The following ZFC3H1 variants were observed in gnomAD, a reference collection of about 807,000 sequenced individuals.
ZFC3H1 encodes zinc finger C3H1 domain-containing protein.
Under a neutral mutation model 243.7 loss-of-function variants are expected in ZFC3H1, and 71 were observed. The ratio of observed to expected loss-of-function variants is 0.29; its 90% CI spans 0.24 to 0.36. The LOEUF (loss-of-function observed/expected upper bound fraction) is 0.36. ZFC3H1 is among the 10% of genes least tolerant of loss of function. The pLI, the probability that ZFC3H1 is intolerant of heterozygous loss-of-function variation, is 1.00. For synonymous variants in ZFC3H1, 838 were observed against 813.0 expected (o/e 1.03, Z -0.52); for missense variants, 1,966 against 2,317.1 (o/e 0.85, Z 3.11).
chr12:71,619,517 T>C, intron 26 of ZFC3H1, 108 bp from the exon 27 acceptor site: 1 of 1,031,530 alleles, frequency 9.7e-7, no homozygotes, highest in Non-Finnish European at 1.4e-6. Flanking sequence ...ATTAAGTTTC[T>C]TGAGTGGGTA....
intron 24 of ZFC3H1, among the ~76,000 whole-genome samples, chr12:71,620,605 T>C (rs1880001991): frequency 6.6e-6 from 1 of 152,148 alleles, no homozygotes; most frequent in Non-Finnish European, 1.5e-5. Context: ...CAAGTATCTC[T>C]GCAATTATCC....
chr12:71,644,899 C>T lies in ZFC3H1; in HGVS notation c.1257G>A (p.Ser419=), dbSNP rs377241131. The T allele has an allele frequency of 1.0e-4, 169 of 1,610,516 alleles. No individual in the cohort carries two copies. The highest frequency in any genetic ancestry group is 1.2e-4 in the Non-Finnish European group (144 of 1,179,630). ...QKVKTSTKTH[S]AKKVSTTAKQ... ...CACCTGTAGTGCTAACTTTTTTGGC[C>T]GAATGTGTTTTTGTACTTGTTTTAA... Residue 419 remains serine, a synonymous_variant, in exon 4 of 35, where the codon TCG becomes TCA. Transcript: ENST00000378743.
At chr12:71,615,451 C>T in intron 27 of ZFC3H1, 135 bp from the exon 28 acceptor site, 1 of 637,294 alleles carries the variant, frequency 1.6e-6, no homozygotes, top group Non-Finnish European at 2.7e-6. Context: ...ACTTTCTTTT[C>T]ATAGGTATAC....
chr12:71,663,478 T>A lies in ZFC3H1; in HGVS notation c.133A>T (p.Ser45Cys). Residue 45 changes from serine (S) to cysteine (C), a missense_variant, in exon 1 of 35, where the codon AGC (serine) becomes TGC (cysteine). Coordinates refer to ENST00000378743, the MANE Select transcript of ZFC3H1 (RefSeq NM_144982.5). ...GGATAGGGTAACAGCCCGCCGCCGCTGCTGCTGCTGCTGCTCCGACTCCGT... is the reference window on the plus strand; with the variant it reads ...GGATAGGGTAACAGCCCGCCGCCGCAGCTGCTGCTGCTGCTCCGACTCCGT... ...QIRSRSSSSS[S>C]GGGLLPYPRR... The A allele has an allele frequency of 6.2e-7, 1 of 1,609,254 alleles. No homozygotes were observed. The highest frequency in any genetic ancestry group is 8.5e-7 in the Non-Finnish European group (1 of 1,178,686).
intron 24 of ZFC3H1, among the ~76,000 whole-genome samples, chr12:71,621,008 C>T (rs1465734329): frequency 6.6e-6 from 1 of 152,192 alleles, no homozygotes; most frequent in Admixed American, 6.5e-5. Context: ...TTTTATTTAA[C>T]ATTTGACAGT....
intron 7 of ZFC3H1, among the ~76,000 whole-genome samples, chr12:71,637,496 T>TA (rs1469078970): frequency 6.6e-6 from 1 of 152,126 alleles, no homozygotes; most frequent in Non-Finnish European, 1.5e-5. Context: ...TAGTCCAGAG[T>TA]ACTTTAATCA....
chr12:71,652,120 G>A (rs186758351), intron 2 of ZFC3H1, among the ~76,000 whole-genome samples: 148 of 152,286 alleles, frequency 9.7e-4, no homozygotes, highest in Non-Finnish European at 1.8e-3. Context: ...TGGAAAAAAG[G>A]CTCACCAATA....
At chr12:71,615,159 C>A (rs1313803272) in intron 28 of ZFC3H1, 47 bp downstream of exon 28, 2 of 1,426,640 alleles carry the variant, frequency 1.4e-6, no homozygotes, top group Non-Finnish European at 9.8e-7. Context: ...TAATAAATAG[C>A]AAATGCAGGC....
rs1879991940 is a variant in ZFC3H1 at position 71,620,226 on chromosome 12, G to T, written c.4834C>A (p.His1612Asn). The part of the protein sequence containing the change: ...LPLYTNMIAL[H>N]QLLERYEAAM... The stretch of plus-strand genomic sequence containing the variant: ...AAGTTGTACCTCTCCAGGAGTTGGT[G>T]CAGAGCAATCATGTTTGTGTAAAGT... Residue 1612 changes from histidine to asparagine, a missense_variant, in exon 25 of 35, where the codon CAC (histidine) becomes AAC (asparagine). This residue lies in a region of ZFC3H1 where 1,383 missense variants were observed against 1,723.7 expected (regional missense o/e 0.80). Coordinates refer to ENST00000378743, the MANE Select transcript of ZFC3H1 (RefSeq NM_144982.5). 1 of 1,614,052 alleles carries T rather than the reference G, an allele frequency of 6.2e-7. No homozygotes were observed. The highest frequency in any genetic ancestry group is 1.3e-5 in the African/African-American group (1 of 74,934).
In ZFC3H1 at chr12:71,663,070, C is replaced by T. The variant is rs1472760835; in HGVS notation, c.541G>A (p.Gly181Arg). ...GCRPPLGGGAGSGFSSSQSWR... is the reference protein window; with the variant it reads ...GCRPPLGGGARSGFSSSQSWR... ...CTCTGACTGCTGCTGAACCCGGATCCTGCTCCTCCTCCCAGAGGAGGTCTG... is the reference window on the plus strand; with the variant it reads ...CTCTGACTGCTGCTGAACCCGGATCTTGCTCCTCCTCCCAGAGGAGGTCTG... The change falls in exon 1 of 35, where the codon GGA (glycine) becomes AGA (arginine). Residue 181 changes from glycine to arginine, a missense_variant. Physicochemically the swap from Gly to Arg is moderately radical, Grantham distance 125. Transcript: ENST00000378743. 1.9e-6 allele frequency: 3 copies of T among 1,613,702 alleles called. No individual in the cohort carries two copies. Among genetic ancestry groups the T allele is most frequent in the Non-Finnish European group, 2.5e-6 (3 of 1,179,954 alleles).
chr12:71,650,441 C>G (rs17110091), intron 2 of ZFC3H1, among the ~76,000 whole-genome samples: 4,737 of 151,780 alleles, frequency 0.031, 207 homozygotes, highest in African/African-American at 0.11. Context: ...AAGTTTTACT[C>G]AAAACCTCCA....
intron 1 of ZFC3H1, among the ~76,000 whole-genome samples, chr12:71,662,497 T>TCCC (rs150388437): frequency 9.7e-6 from 1 of 103,492 alleles, no homozygotes; most frequent in Non-Finnish European, 1.9e-5. Flanking sequence ...TTTTTACCCC[T>TCCC]CCCCCCCCCA....
intron 24 of ZFC3H1, among the ~76,000 whole-genome samples, chr12:71,621,054 G>A (rs1369373430): frequency 6.6e-6 from 1 of 151,978 alleles, no homozygotes; most frequent in East Asian, 1.9e-4. Flanking sequence ...TCTTGCCTCT[G>A]CTTCCAATAG....
chr12:71,635,599 T>C lies in ZFC3H1; in HGVS notation c.2101-19A>G. On this transcript the variant is annotated intron_variant, in intron 9 of 34. Coordinates refer to ENST00000378743, the MANE Select transcript of ZFC3H1 (RefSeq NM_144982.5). ...TTGGAAGCTGCAAAGACAATATATTTATTACTCGTGATAACAAAAGGATGT... is the reference window on the plus strand; with the variant it reads ...TTGGAAGCTGCAAAGACAATATATTCATTACTCGTGATAACAAAAGGATGT... 6.6e-7 allele frequency: 1 copy of C among 1,517,870 alleles called. No homozygotes were observed. The highest frequency in any genetic ancestry group is 8.7e-7 in the Non-Finnish European group (1 of 1,143,422). The allele number at this position is 1,517,870 out of a possible 1,614,324, so 94.0% of individuals were successfully genotyped here.
At chr12:71,635,282 G>A (rs573336984) in intron 10 of ZFC3H1, among the ~76,000 whole-genome samples, 161 bp downstream of exon 10, 1 of 152,176 alleles carries the variant, frequency 6.6e-6, no homozygotes, top group Middle Eastern at 3.4e-3. Context: ...ATTGATACAT[G>A]CTTCATTATA....
rs1880209131 is a variant in ZFC3H1, at chr12:71,627,845, C to T, written c.4036G>A (p.Asp1346Asn). Residue 1346 changes from aspartate (D) to asparagine (N), a missense_variant, in exon 21 of 35, where the codon GAC (aspartate) becomes AAC (asparagine). Physicochemically the swap from Asp to Asn is conservative, Grantham distance 23 (BLOSUM62 1). Around this residue, in one of 4 missense-constraint regions of ZFC3H1, gnomAD observed 1,383 missense variants for 1,723.7 expected, o/e 0.80. Coordinates refer to ENST00000378743, the MANE Select transcript of ZFC3H1 (RefSeq NM_144982.5). ...ACACTTGCTTCTAAATTAGCGATGTCATCAGTCTCATTTGTAAAGTATCTG... is the reference window on the plus strand; with the variant it reads ...ACACTTGCTTCTAAATTAGCGATGTTATCAGTCTCATTTGTAAAGTATCTG... ...DVRYFTNETDDIANLEASVLE... is the reference protein window; with the variant it reads ...DVRYFTNETDNIANLEASVLE... The T allele has an allele frequency of 6.2e-7, 1 of 1,613,732 alleles. No homozygotes were observed. The highest frequency in any genetic ancestry group is 8.5e-7 in the Non-Finnish European group (1 of 1,179,910).
intron 1 of ZFC3H1, among the ~76,000 whole-genome samples, chr12:71,662,413 TA>T (rs1881202754): frequency 6.6e-6 from 1 of 150,772 alleles, no homozygotes; most frequent in Non-Finnish European, 1.5e-5. Flanking sequence ...GTAAAGGAGG[TA>T]AAGTGTTCCA....
chr12:71,624,857 C>T (rs1351851067), intron 22 of ZFC3H1, among the ~76,000 whole-genome samples: 2 of 152,172 alleles, frequency 1.3e-5, no homozygotes, highest in African/African-American at 4.8e-5. Context: ...GTCCCAGCTA[C>T]TTGGGAGGCT....
At chr12:71,615,861 A>C (rs1879882741) in intron 27 of ZFC3H1, among the ~76,000 whole-genome samples, 1 of 152,170 alleles carries the variant, frequency 6.6e-6, no homozygotes, top group South Asian at 2.1e-4. Context: ...TCTCCTCCTA[A>C]AATGAATTTT....
Sources: gnomAD v4.1 joint callset for allele counts (sites outside exome capture counted in the v4.1 genomes callset) on GRCh38, gnomAD v4.1.1 for gene constraint, gnomAD v4.1.1 regional missense constraint, MANE v1.5 for transcripts, NCBI Gene and HGNC (gene_info 2026-07-23, HGNC 2026-07-21) for gene names.